The following VWA3B variants were observed in gnomAD, a reference collection of about 807,000 sequenced individuals.
VWA3B encodes the protein von Willebrand factor A domain containing 3B.
Under a neutral mutation model 158.3 loss-of-function variants are expected in VWA3B, and 138 were observed. That is an observed-to-expected ratio of 0.87 (90% CI 0.76 to 1.00). The LOEUF is 1.00. VWA3B is among the 50% of genes least tolerant of loss of function. The probability of loss-of-function intolerance (pLI) is 0.00; values close to 1 mark genes in which losing one functional copy is unlikely to be tolerated. For missense variants in VWA3B, 1,555 were observed against 1,565.1 expected (o/e 0.99, Z 0.11); for synonymous variants, 596 against 587.3 (o/e 1.01, Z -0.21).
chr2:98,276,095 C>G (rs554965744), intron 22 of VWA3B, among the ~76,000 whole-genome samples: 1 of 152,238 alleles, frequency 6.6e-6, no homozygotes, highest in South Asian at 2.1e-4. Context: ...AGGGGAACGC[C>G]GATGTTCCAG....
At position 98,201,023 on chromosome 2, in the gene VWA3B, T is replaced by A. The variant is rs566291303; in HGVS notation, c.1737+6531T>A. The stretch of plus-strand genomic sequence containing the variant: ...CACCAACATCACATTGTCTTTATTA[T>A]TGTGACTTTACACTGAGTCTTGAAA... On this transcript the variant is annotated intron_variant, in intron 12 of 27. Transcript: ENST00000477737. Among the ~76,000 whole-genome samples the A allele has an allele frequency of 6.6e-4, 101 of 152,368 alleles. 1 individual carries two copies. In the South Asian group the frequency reaches 0.02, roughly 30 times the overall value.
intron 13 of VWA3B, among the ~76,000 whole-genome samples, chr2:98,214,315 A>G (rs1683795346): frequency 6.6e-6 from 1 of 152,078 alleles, no homozygotes; most frequent in African/African-American, 2.4e-5. Flanking sequence ...GCATTGTTCC[A>G]AGTCATCAAA....
chr2:98,198,956 G>A (rs939757736), intron 12 of VWA3B, among the ~76,000 whole-genome samples: 2 of 152,058 alleles, frequency 1.3e-5, no homozygotes, highest in Non-Finnish European at 2.9e-5. Flanking sequence ...GTGTGGTGGT[G>A]TGCGCCTGTA....
At chr2:98,130,529 C>T (rs758648217) in intron 6 of VWA3B, among the ~76,000 whole-genome samples, 4 of 152,170 alleles carry the variant, frequency 2.6e-5, no homozygotes, top group African/African-American at 7.2e-5. Context: ...GGCAGAGGTC[C>T]CTGCAGCCTT....
At chr2:98,300,772 C>G (rs1445326840) in intron 25 of VWA3B, among the ~76,000 whole-genome samples, 1 of 152,120 alleles carries the variant, frequency 6.6e-6, no homozygotes, top group Non-Finnish European at 1.5e-5. Context: ...CTGGAGCACT[C>G]CCTCAGAGTG....
chr2:98,142,075 C>A (rs916589244), intron 7 of VWA3B, among the ~76,000 whole-genome samples: 1 of 152,158 alleles, frequency 6.6e-6, no homozygotes, highest in Non-Finnish European at 1.5e-5. Flanking sequence ...GTCCCCATCC[C>A]GAGCTTTACC....
chr2:98,120,865 A>G (rs930304688), intron 4 of VWA3B, among the ~76,000 whole-genome samples: 1 of 152,260 alleles, frequency 6.6e-6, no homozygotes, highest in Non-Finnish European at 1.5e-5. Flanking sequence ...CAATGAAAAC[A>G]ATGTCATGAA....
At chr2:98,188,726 G>C (rs1298623238) in intron 10 of VWA3B, among the ~76,000 whole-genome samples, 1 of 152,144 alleles carries the variant, frequency 6.6e-6, no homozygotes, top group Non-Finnish European at 1.5e-5. Flanking sequence ...ACCAGTAAAA[G>C]CTCAACTGAG....
At chr2:98,315,427 T>C (rs947782498), downstream of VWA3B, among the ~76,000 whole-genome samples, 1 of 152,146 alleles carries the variant, frequency 6.6e-6, no homozygotes, top group African/African-American at 2.4e-5. Context: ...GCTATAGGGA[T>C]GGAGTGATTG....
chr2:98,276,572 G>A (rs531214829), intron 22 of VWA3B, among the ~76,000 whole-genome samples: 10 of 152,298 alleles, frequency 6.6e-5, no homozygotes, highest in Middle Eastern at 3.4e-3. Flanking sequence ...ATTCAGAGTG[G>A]GCTGCCCATG....
At chr2:98,225,753 AAATT>A (rs1202641071) in intron 14 of VWA3B, among the ~76,000 whole-genome samples, 1 of 152,202 alleles carries the variant, frequency 6.6e-6, no homozygotes, top group Non-Finnish European at 1.5e-5. Context: ...CAAAGTCACA[AAATT>A]AATACACACA....
intron 20 of VWA3B, among the ~76,000 whole-genome samples, chr2:98,255,754 G>C (rs1241467267): frequency 6.6e-6 from 1 of 152,158 alleles, no homozygotes; most frequent in Admixed American, 6.5e-5. Flanking sequence ...CCAGGCAGAA[G>C]AGTGTCTACA....
chr2:98,193,153 C>A, intron 11 of VWA3B, 117 bp downstream of exon 11: 2 of 1,311,676 alleles, frequency 1.5e-6, no homozygotes, highest in Non-Finnish European at 2.1e-6. Context: ...CAGAGAAGTA[C>A]TCCCTTTTGT....
intron 22 of VWA3B, among the ~76,000 whole-genome samples, chr2:98,278,753 G>A (rs944853770): frequency 2.6e-5 from 4 of 152,174 alleles, no homozygotes; most frequent in Admixed American, 1.3e-4. Flanking sequence ...TACAGGATGG[G>A]GGGGTGGTGT....
chr2:98,232,256 T>C (rs1323285124), intron 16 of VWA3B, among the ~76,000 whole-genome samples: 1 of 152,238 alleles, frequency 6.6e-6, no homozygotes, highest in Non-Finnish European at 1.5e-5. Context: ...ATTTATCAGA[T>C]TTATGAGGGC....
intron 19 of VWA3B, among the ~76,000 whole-genome samples, chr2:98,247,584 C>T (rs1458571065): frequency 6.6e-6 from 1 of 152,096 alleles, no homozygotes; most frequent in Non-Finnish European, 1.5e-5. Context: ...ATATAAAAGT[C>T]TCTGTTAACT....
At chr2:98,164,779 A>G (rs1031024977) in intron 8 of VWA3B, among the ~76,000 whole-genome samples, 3 of 152,222 alleles carry the variant, frequency 2.0e-5, no homozygotes, top group Non-Finnish European at 4.4e-5. Flanking sequence ...TGCACCATAC[A>G]AACAACCTCA....
chr2:98,118,554 G>A (rs1449389186), intron 3 of VWA3B, among the ~76,000 whole-genome samples: 2 of 152,114 alleles, frequency 1.3e-5, no homozygotes, highest in Non-Finnish European at 2.9e-5. Flanking sequence ...AGTAAAGAGA[G>A]CTCACTAAAA....
At chr2:98,218,817 A>G (rs1684245840) in intron 14 of VWA3B, among the ~76,000 whole-genome samples, 2 of 152,192 alleles carry the variant, frequency 1.3e-5, no homozygotes, top group Admixed American at 6.5e-5. Flanking sequence ...GGAATGAATC[A>G]TCCAAAAAAC....
Sources: gnomAD v4.1 joint callset for allele counts (sites outside exome capture counted in the v4.1 genomes callset) on GRCh38, gnomAD v4.1.1 for gene constraint, MANE v1.5 for transcripts, NCBI Gene and HGNC (gene_info 2026-07-23, HGNC 2026-07-21) for gene names.